The following APBA2 variants were observed in gnomAD, a reference collection of about 807,000 sequenced individuals.
APBA2 encodes the protein amyloid-beta A4 precursor protein-binding family A member 2.
Under a neutral mutation model 75.0 loss-of-function variants are expected in APBA2, and 30 were observed. The observed-to-expected ratio is 0.40, with a 90% CI of 0.30 to 0.54. The LOEUF is 0.54. APBA2 is among the 20% of genes least tolerant of loss of function. The pLI, the probability that APBA2 is intolerant of heterozygous loss-of-function variation, is 0.49. For missense variants in APBA2, 801 were observed against 1,016.1 expected (o/e 0.79, Z 2.88); for synonymous variants, 444 against 409.6 (o/e 1.08, Z -1.01).
intron 2 of APBA2, among the ~76,000 whole-genome samples, chr15:28,962,321 C>CAG (rs1305781799): frequency 6.6e-6 from 1 of 151,828 alleles, no homozygotes; most frequent in Non-Finnish European, 1.5e-5. Context: ...CCTGTAATCC[C>CAG]AGCACTTTGG....
Position 28,963,117 on chromosome 15 carries a change from C to G in APBA2, c.-94-32636C>G, listed in dbSNP as rs569382284. 2.0e-5 allele frequency among the ~76,000 whole-genome samples: 3 copies of G among 152,228 alleles called. No individual in the cohort carries two copies. In the South Asian group the frequency reaches 6.2e-4, roughly 32 times the overall value. On this transcript the variant is annotated intron_variant, in intron 2 of 14. Coordinates refer to ENST00000683413, the MANE Select transcript of APBA2 (RefSeq NM_001353788.2). ...GACCTAAAGCCTTTAGTGAAGAAGG[C>G]CTGGTGTGAATTTTTTAGCTGGTTA...
intron 4 of APBA2, among the ~76,000 whole-genome samples, chr15:29,073,469 G>T (rs1233931691): frequency 6.6e-6 from 1 of 152,220 alleles, no homozygotes; most frequent in East Asian, 1.9e-4. Flanking sequence ...TCCTGCCTCA[G>T]CCTCCCGTGT....
intron 6 of APBA2, among the ~76,000 whole-genome samples, chr15:29,087,572 T>A (rs954476527): frequency 6.6e-6 from 1 of 152,210 alleles, no homozygotes; most frequent in Non-Finnish European, 1.5e-5. Flanking sequence ...GTCTTCTCTT[T>A]CGTATCAGCC....
chr15:28,955,795 G>A (rs559768167), intron 2 of APBA2, among the ~76,000 whole-genome samples: 25 of 152,368 alleles, frequency 1.6e-4, no homozygotes, highest in African/African-American at 5.3e-4. Flanking sequence ...GGTTCCCTGA[G>A]GGTCGGGCCA....
At position 28,924,397 on chromosome 15, in the gene APBA2, C is replaced by G. The variant is rs181788432; in HGVS notation, c.-95+2648C>G. 2.1e-3 allele frequency among the ~76,000 whole-genome samples: 315 copies of G among 152,334 alleles called. 1 individual carries two copies. The highest frequency in any genetic ancestry group is 4.2e-3 in the Admixed American group (65 of 15,310). ...GTTTTCTTCATCCCAGAGAGGAACT[C>G]TCCATTAAGCAGTCACTCCCCAGCC... On this transcript the variant is annotated intron_variant, in intron 2 of 14. Transcript: ENST00000683413.
intron 3 of APBA2, among the ~76,000 whole-genome samples, chr15:29,023,023 T>A (rs1030363704): frequency 6.6e-6 from 1 of 152,216 alleles, no homozygotes; most frequent in African/African-American, 2.4e-5. Context: ...AGCCATTGAT[T>A]TATGTGTTAA....
chr15:28,929,008 A>G (rs1469229771), intron 2 of APBA2, among the ~76,000 whole-genome samples: 5 of 152,174 alleles, frequency 3.3e-5, no homozygotes, highest in African/African-American at 9.7e-5. Context: ...TGCAAACTCA[A>G]TTCACTGATG....
intron 2 of APBA2, among the ~76,000 whole-genome samples, chr15:28,973,655 T>G (rs561448574): frequency 1.3e-5 from 2 of 152,282 alleles, no homozygotes; most frequent in Admixed American, 1.3e-4. Flanking sequence ...TTAAAAAAAA[T>G]TGTATATGTA....
At chr15:28,960,721 G>A (rs1178395954) in intron 2 of APBA2, among the ~76,000 whole-genome samples, 2 of 151,418 alleles carry the variant, frequency 1.3e-5, no homozygotes, top group Non-Finnish European at 2.9e-5. Flanking sequence ...CCAGGATTCA[G>A]ACCACCCCTG....
At chr15:28,912,335 A>T (rs1236371985) in intron 1 of APBA2, among the ~76,000 whole-genome samples, 1 of 152,216 alleles carries the variant, frequency 6.6e-6, no homozygotes, top group Non-Finnish European at 1.5e-5. Flanking sequence ...TTATTCAAAG[A>T]TCTATCCTTT....
At chr15:29,072,997 C>T (rs1430199114) in intron 4 of APBA2, among the ~76,000 whole-genome samples, 1 of 152,204 alleles carries the variant, frequency 6.6e-6, no homozygotes, top group Non-Finnish European at 1.5e-5. Flanking sequence ...CCCCCACTCC[C>T]ATTGCCTCTG....
At chr15:28,942,659 T>C (rs1326372338) in intron 2 of APBA2, among the ~76,000 whole-genome samples, 1 of 152,176 alleles carries the variant, frequency 6.6e-6, no homozygotes, top group Non-Finnish European at 1.5e-5. Flanking sequence ...TTCCATTTCC[T>C]CTTGCAACCA....
intron 2 of APBA2, among the ~76,000 whole-genome samples, chr15:28,979,301 G>A (rs2037501474): frequency 6.6e-6 from 1 of 152,182 alleles, no homozygotes; most frequent in Admixed American, 6.5e-5. Context: ...AGCATCACAT[G>A]GTCCTCCCGG....
intron 4 of APBA2, among the ~76,000 whole-genome samples, chr15:29,064,744 G>A (rs558272595): frequency 6.6e-6 from 1 of 152,300 alleles, no homozygotes; most frequent in East Asian, 1.9e-4. Flanking sequence ...GGTTCCACTG[G>A]GGGCATGGAG....
At chr15:28,937,627 A>G (rs1189801626) in intron 2 of APBA2, among the ~76,000 whole-genome samples, 1 of 151,806 alleles carries the variant, frequency 6.6e-6, no homozygotes, top group African/African-American at 2.4e-5. Flanking sequence ...TCCACTGAGG[A>G]TGGAGGGTGT....
At chr15:29,074,601 G>A (rs1211205914) in intron 4 of APBA2, among the ~76,000 whole-genome samples, 1 of 152,152 alleles carries the variant, frequency 6.6e-6, no homozygotes. Context: ...ATGGTTGTAC[G>A]ACAGTGTGAA....
chr15:29,108,769 G>A, intron 13 of APBA2: 1 of 370,164 alleles, frequency 2.7e-6, no homozygotes, highest in Middle Eastern at 8.7e-4. Context: ...ATTCATTCAT[G>A]TACTCATCAT....
At chr15:29,115,017 T>TAGGGGTGTGTGA (rs1318423983) in intron 14 of APBA2, among the ~76,000 whole-genome samples, 1 of 151,240 alleles carries the variant, frequency 6.6e-6, no homozygotes, top group East Asian at 1.9e-4. Flanking sequence ...TGTGTGTGTG[T>TAGGGGTGTGTGA]AGGGGTGTGT....
At chr15:29,115,634 A>T (rs903994830) in intron 14 of APBA2, among the ~76,000 whole-genome samples, 1 of 152,166 alleles carries the variant, frequency 6.6e-6, no homozygotes, top group African/African-American at 2.4e-5. Context: ...GCCTGTTTCC[A>T]GCAGCTCTGA....
Sources: gnomAD v4.1 joint callset for allele counts (sites outside exome capture counted in the v4.1 genomes callset) on GRCh38, gnomAD v4.1.1 for gene constraint, MANE v1.5 for transcripts, NCBI Gene and HGNC (gene_info 2026-07-23, HGNC 2026-07-21) for gene names.